The following MYOCD variants were observed in gnomAD, a reference collection of about 807,000 sequenced individuals.
The protein encoded by MYOCD is myocardin.
In MYOCD, 32 loss-of-function variants were observed where a neutral mutation model predicts 96.1. That is an observed-to-expected ratio of 0.33 (90% CI 0.25 to 0.45). The LOEUF (loss-of-function observed/expected upper bound fraction) is 0.45, where lower values mean the gene tolerates loss of function less well. MYOCD is among the 20% of genes least tolerant of loss of function. MYOCD has a pLI of 1.00. For missense variants in MYOCD, 1,133 were observed against 1,200.6 expected (o/e 0.94, Z 0.83); for synonymous variants, 469 against 469.0 (o/e 1.00, Z 0.00).
intron 7 of MYOCD, among the ~76,000 whole-genome samples, chr17:12,743,333 A>G (rs896824867): frequency 6.6e-6 from 1 of 152,146 alleles, no homozygotes; most frequent in Non-Finnish European, 1.5e-5. Flanking sequence ...GCAGGCAGAT[A>G]GGCAAGGTTT....
chr17:12,695,986 C>T (rs2030728553), intron 1 of MYOCD, among the ~76,000 whole-genome samples: 1 of 152,026 alleles, frequency 6.6e-6, no homozygotes, highest in African/African-American at 2.4e-5. Context: ...ATCATGTCTT[C>T]AAGTTTCATC....
chr17:12,722,031 T>C (rs1243201482), intron 4 of MYOCD, among the ~76,000 whole-genome samples: 3 of 152,140 alleles, frequency 2.0e-5, no homozygotes, highest in African/African-American at 7.2e-5. Flanking sequence ...AGCAGGTTGA[T>C]AATAATAAAA....
At chr17:12,698,872 A>C (rs2030915732) in intron 1 of MYOCD, among the ~76,000 whole-genome samples, 1 of 148,890 alleles carries the variant, frequency 6.7e-6, no homozygotes, top group Non-Finnish European at 1.5e-5. Flanking sequence ...CCTCCCGAGT[A>C]GTTGGGACTA....
At chr17:12,736,466 G>A (rs2032349357) in intron 6 of MYOCD, 130 bp downstream of exon 6, 3 of 873,756 alleles carry the variant, frequency 3.4e-6, no homozygotes, top group South Asian at 3.4e-5. Context: ...GGCTGCCACA[G>A]CATTTTGATG....
intron 4 of MYOCD, among the ~76,000 whole-genome samples, chr17:12,721,194 T>C (rs953934259): frequency 1.3e-5 from 2 of 152,114 alleles, no homozygotes; most frequent in Non-Finnish European, 2.9e-5. Flanking sequence ...CATTACGGTC[T>C]TGAATTAAAA....
At position 12,766,682 on chromosome 17, in the gene MYOCD, A is replaced by T. The variant is rs1426473385; in HGVS notation, c.*3038A>T. 1 of 152,184 alleles carries T rather than the reference A, an allele frequency of 6.6e-6. No individual in the cohort carries two copies. Among genetic ancestry groups the T allele is most frequent in the Non-Finnish European group, 1.5e-5 (1 of 68,026 alleles). 9.4% of individuals were successfully genotyped at this position (152,184 alleles called of 1,614,324 possible). A position where few individuals can be genotyped will look rare whatever the true frequency, so the allele number is the denominator to read the frequency against. ...AGGCATGACTAAAAGATGTACAGAG[A>T]CTTACGAAGATGGTCACATTCAAGT... On this transcript the variant is annotated 3_prime_UTR_variant, in exon 14 of 14. Transcript: ENST00000425538.
chr17:12,700,578 TA>T (rs1478349449), intron 1 of MYOCD, among the ~76,000 whole-genome samples: 2 of 151,340 alleles, frequency 1.3e-5, no homozygotes, highest in Non-Finnish European at 2.9e-5. Context: ...CACACCCAGC[TA>T]ATTTTTTTGT....
At chr17:12,710,629 T>C (rs1439205589) in intron 2 of MYOCD, 1 of 404,724 alleles carries the variant, frequency 2.5e-6, no homozygotes, top group Non-Finnish European at 3.3e-6. Context: ...TTCACGATAG[T>C]TTTGAGAAGT....
In MYOCD at chr17:12,767,372, A is replaced by C. The variant is rs1403948986; in HGVS notation, c.*3728A>C. Reference sequence around the variant, plus strand: ...TCCAAATGTTATTTATTTTAAAGTCAATCAGCTCTTTTAGAAACAGATTCT... The same window carrying C: ...TCCAAATGTTATTTATTTTAAAGTCCATCAGCTCTTTTAGAAACAGATTCT... On this transcript the variant is annotated 3_prime_UTR_variant, in exon 14 of 14. Transcript: ENST00000425538. 1 of 152,250 alleles carries C rather than the reference A, an allele frequency of 6.6e-6. No individual in the cohort carries two copies. Among genetic ancestry groups the C allele is most frequent in the Non-Finnish European group, 1.5e-5 (1 of 68,036 alleles). The allele number at this position is 152,250 out of a possible 1,614,324, so 9.4% of individuals were successfully genotyped here.
intron 1 of MYOCD, among the ~76,000 whole-genome samples, chr17:12,679,964 T>C (rs953369422): frequency 2.6e-5 from 4 of 152,236 alleles, no homozygotes; most frequent in Non-Finnish European, 5.9e-5. Context: ...TTGCCTTTCA[T>C]CCTGAAACTT....
chr17:12,721,046 G>A (rs1450488509), intron 4 of MYOCD, among the ~76,000 whole-genome samples: 4 of 147,774 alleles, frequency 2.7e-5, no homozygotes, highest in Non-Finnish European at 6.0e-5. Context: ...AAAAAAAATA[G>A]GTGACTCTAA....
chr17:12,759,604 G>GTAAACATC (rs1293244330), intron 12 of MYOCD, among the ~76,000 whole-genome samples: 1 of 152,080 alleles, frequency 6.6e-6, no homozygotes, highest in African/African-American at 2.4e-5. Context: ...CCTGGTTTCT[G>GTAAACATC]TAAACATCAG....
chr17:12,681,937 C>G (rs757426771), intron 1 of MYOCD, among the ~76,000 whole-genome samples: 3 of 152,192 alleles, frequency 2.0e-5, no homozygotes, highest in African/African-American at 2.4e-5. Context: ...CAACATTTGG[C>G]TAGGGAACAG....
chr17:12,724,985 T>C (rs935593157), intron 5 of MYOCD, among the ~76,000 whole-genome samples: 16 of 152,234 alleles, frequency 1.1e-4, no homozygotes, highest in East Asian at 5.8e-4. Flanking sequence ...GTTTAAAATA[T>C]ATAATTTTAT....
chr17:12,680,797 GA>G (rs1224956961), intron 1 of MYOCD, among the ~76,000 whole-genome samples: 2 of 152,154 alleles, frequency 1.3e-5, no homozygotes, highest in Non-Finnish European at 2.9e-5. Flanking sequence ...GTGATGGAAG[GA>G]AAAGTTCCCC....
At position 12,675,032 on chromosome 17, in the gene MYOCD, C is replaced by T. The variant is rs570151300; in HGVS notation, c.55+8789C>T. 5.3e-5 allele frequency among the ~76,000 whole-genome samples: 8 copies of T among 151,912 alleles called. No individual in the cohort carries two copies. The East Asian group carries it at 5.8e-4, about 11-fold the overall frequency. On this transcript the variant is annotated intron_variant, in intron 1 of 13. Coordinates refer to ENST00000425538, the MANE Select transcript of MYOCD (RefSeq NM_001146312.3). ...ATTGAAAAAAATACTTGAAAATATA[C>T]GTGAGACAAAATTATTAAAAGGACT...
At chr17:12,707,617 G>A (rs12326035) in intron 2 of MYOCD, among the ~76,000 whole-genome samples, 37,944 of 151,976 alleles carry the variant, frequency 0.25, 7,088 homozygotes, top group African/African-American at 0.52. Context: ...GGGAGGCTGA[G>A]GCAGGAGAAT....
In MYOCD at chr17:12,752,493, G is replaced by A. The variant is rs2032878112; in HGVS notation, c.1205G>A (p.Arg402Gln). The A allele has an allele frequency of 6.2e-6, 10 of 1,614,122 alleles. No individual in the cohort carries two copies. Among genetic ancestry groups the A allele is most frequent in the African/African-American group, 1.3e-5 (1 of 75,012 alleles). ...GTKTALMDRL[R>Q]PFQDCSGNPV... ...AAAACGGCTCTCATGGACCGGCTTC[G>A]ACCCTTCCAGGACTGCTCTGGCAAC... The change falls in exon 10 of 14, where the codon CGA becomes CAA. Residue 402 changes from arginine (R) to glutamine (Q), a missense_variant. Arg to Gln is a conservative substitution (Grantham distance 43). Transcript: ENST00000425538.
chr17:12,709,616 G>A (rs757367156), intron 2 of MYOCD, among the ~76,000 whole-genome samples: 1 of 152,126 alleles, frequency 6.6e-6, no homozygotes, highest in African/African-American at 2.4e-5. Flanking sequence ...TTATTGTTTA[G>A]ATTTATCTCC....
Sources: gnomAD v4.1 joint callset for allele counts (sites outside exome capture counted in the v4.1 genomes callset) on GRCh38, gnomAD v4.1.1 for gene constraint, MANE v1.5 for transcripts, NCBI Gene and HGNC (gene_info 2026-07-23, HGNC 2026-07-21) for gene names.